The following CEACAM21 variants were observed in gnomAD, a reference collection of about 807,000 sequenced individuals.
CEACAM21 encodes cell adhesion molecule CEACAM21.
CEACAM21 carries 38 observed loss-of-function variants against 33.2 expected under a neutral mutation model. That is an observed-to-expected ratio of 1.14 (90% CI 0.88 to 1.50). CEACAM21 has a LOEUF of 1.50. Ranked by LOEUF, CEACAM21 falls within the 40% of genes most tolerant of loss-of-function variation. The pLI is 0.00. For missense variants in CEACAM21, 385 were observed against 364.6 expected (o/e 1.06, Z -0.46); for synonymous variants, 156 against 143.0 (o/e 1.09, Z -0.65).
Position 41,559,140 on chromosome 19 carries a change from A to T in CEACAM21, c.-778-5542A>T, listed in dbSNP as rs528548132. On this transcript the variant is annotated intron_variant, in intron 1 of 7. Transcript: ENST00000407170. Reference sequence around the variant, plus strand: ...TTATGTATTTTACTGGAAGTTTTTTAAAGCACACATGGAAAACTTAGGAAA... The same window carrying T: ...TTATGTATTTTACTGGAAGTTTTTTTAAGCACACATGGAAAACTTAGGAAA... Among the ~76,000 whole-genome samples, 5 of 152,378 alleles carry T rather than the reference A, an allele frequency of 3.3e-5. No individual in the cohort carries two copies. The South Asian group carries it at 1.0e-3, about 32-fold the overall frequency.
intron 2 of CEACAM21, among the ~76,000 whole-genome samples, chr19:41,566,867 C>T (rs2042296847): frequency 1.3e-5 from 2 of 152,070 alleles, no homozygotes; most frequent in South Asian, 4.1e-4. Flanking sequence ...TCCATTTTTT[C>T]ATGAGTCAGT....
chr19:41,567,341 A>G (rs1225159252), intron 2 of CEACAM21, among the ~76,000 whole-genome samples: 15 of 152,236 alleles, frequency 9.9e-5, no homozygotes, highest in African/African-American at 3.4e-4. Flanking sequence ...ATAGCAGTCA[A>G]TTATAAAATG....
chr19:41,582,573 G>T (rs1195547904), intron 3 of CEACAM21, among the ~76,000 whole-genome samples: 2 of 152,210 alleles, frequency 1.3e-5, no homozygotes, highest in Non-Finnish European at 2.9e-5. Flanking sequence ...CTGAAATCTA[G>T]GCGAAGGTTC....
rs1555791471 is a variant in CEACAM21, at chr19:41,577,261, C to A, written c.126C>A (p.Pro42=). 2 of 1,614,106 alleles carry A rather than the reference C, an allele frequency of 1.2e-6. No homozygotes were observed. The highest frequency in any genetic ancestry group is 2.2e-5 in the East Asian group (1 of 44,890). Residue 42 remains proline, a synonymous_variant, in exon 2 of 7, where the codon CCC becomes CCA. Transcript: ENST00000401445. ...TTAWLFIASA[P]FEVAEGENVH... is the part of the protein sequence containing the mutation. Reference sequence around the variant, plus strand: ...CCTGGCTCTTTATTGCATCAGCGCCCTTTGAAGTTGCTGAAGGGGAGAATG... The same window carrying A: ...CCTGGCTCTTTATTGCATCAGCGCCATTTGAAGTTGCTGAAGGGGAGAATG...
chr19:41,580,996 G>C (rs1417106711), intron 3 of CEACAM21, among the ~76,000 whole-genome samples: 1 of 152,200 alleles, frequency 6.6e-6, no homozygotes, highest in Non-Finnish European at 1.5e-5. Flanking sequence ...AGATTCTAAG[G>C]ACTTTAGAGT....
rs751235006 is a variant in CEACAM21, at chr19:41,585,576, G to A, written c.850+81G>A. 3.2e-4 allele frequency: 469 copies of A among 1,466,924 alleles called. 1 individual carries two copies. Among genetic ancestry groups the A allele is most frequent in the Non-Finnish European group, 4.4e-4 (460 of 1,047,890 alleles). 90.9% of individuals were successfully genotyped at this position (1,466,924 alleles called of 1,614,324 possible). ...GTCCACTCCTGCCAGTTACACCCAG[G>A]GGCCTCTGACCCTATCCCTGGGGCT... is the stretch of plus-strand genomic sequence containing the variant. On this transcript the variant is annotated intron_variant, in intron 5 of 6. Transcript: ENST00000401445.
chr19:41,581,217 C>T (rs962959649), intron 3 of CEACAM21, among the ~76,000 whole-genome samples: 4 of 152,254 alleles, frequency 2.6e-5, no homozygotes, highest in Admixed American at 6.5e-5. Flanking sequence ...CGCTTAAAGG[C>T]GTTCTTAAGC....
At chr19:41,584,132 G>A (rs2070527862) in intron 3 of CEACAM21, among the ~76,000 whole-genome samples, 1 of 152,194 alleles carries the variant, frequency 6.6e-6, no homozygotes, top group African/African-American at 2.4e-5. Flanking sequence ...GTGGGAGAAT[G>A]TAGGAGTTGA....
chr19:41,557,166 T>G (rs2041583407), intron 1 of CEACAM21, among the ~76,000 whole-genome samples: 1 of 152,146 alleles, frequency 6.6e-6, no homozygotes, highest in African/African-American at 2.4e-5. Context: ...CCCAAAGATC[T>G]CCTCCCCTCC....
chr19:41,569,590 C>G (rs1555789002), intron 2 of CEACAM21, among the ~76,000 whole-genome samples: 1 of 152,056 alleles, frequency 6.6e-6, no homozygotes, highest in Non-Finnish European at 1.5e-5. Context: ...ATACTGCCCC[C>G]CAAGGAGGAG....
At chr19:41,559,452 C>G (rs1555786289) in intron 1 of CEACAM21, among the ~76,000 whole-genome samples, 1 of 152,052 alleles carries the variant, frequency 6.6e-6, no homozygotes, top group African/African-American at 2.4e-5. Context: ...AAAATGCTTA[C>G]AGTAGAAAAG....
chr19:41,579,822 G>A (rs1016101494), intron 3 of CEACAM21, among the ~76,000 whole-genome samples, 194 bp downstream of exon 3: 5 of 152,040 alleles, frequency 3.3e-5, no homozygotes, highest in Admixed American at 2.6e-4. Context: ...TTTGACCTTG[G>A]GCAAGACACT....
intron 3 of CEACAM21, among the ~76,000 whole-genome samples, chr19:41,581,129 C>T (rs183665573): frequency 5.9e-5 from 9 of 152,334 alleles, no homozygotes; most frequent in African/African-American, 2.2e-4. Context: ...TTCATAATGG[C>T]CCTAATGCCC....
At chr19:41,559,790 A>T (rs16975348) in intron 1 of CEACAM21, among the ~76,000 whole-genome samples, 14,919 of 152,146 alleles carry the variant, frequency 0.098, 2,237 homozygotes, top group African/African-American at 0.32. Flanking sequence ...CACCTAGAAA[A>T]CTAAAGGAAA....
chr19:41,559,992 AAAAAC>A (rs142541290), intron 1 of CEACAM21, among the ~76,000 whole-genome samples: 6 of 152,054 alleles, frequency 3.9e-5, no homozygotes, highest in Non-Finnish European at 8.8e-5. Context: ...ACTTCCTCTC[AAAAAC>A]AAAACAAAAC....
In CEACAM21 at chr19:41,553,215, C is replaced by T. The variant is rs150344062; in HGVS notation, c.-779+3663C>T. ...TTGACTCACTGTAACCTCCGCTTCC[C>T]TGCCTCAGCCCCTTGAGTAGCTGGG... On this transcript the variant is annotated intron_variant, in intron 1 of 7. Transcript: ENST00000407170. Among the ~76,000 whole-genome samples, 287 of 152,112 alleles carry T rather than the reference C, an allele frequency of 1.9e-3. 1 individual carries two copies. Among genetic ancestry groups the T allele is most frequent in the African/African-American group, 6.6e-3 (275 of 41,512 alleles).
In CEACAM21 at chr19:41,577,239, G is replaced by T; in HGVS notation, c.104G>T (p.Trp35Leu). The T allele has an allele frequency of 6.2e-7, 1 of 1,614,056 alleles. No homozygotes were observed. Among genetic ancestry groups the T allele is most frequent in the Non-Finnish European group, 8.5e-7 (1 of 1,180,004 alleles). Residue 35 changes from tryptophan to leucine, a missense_variant, in exon 2 of 7, where the codon TGG (tryptophan) becomes TTG (leucine). Transcript: ENST00000401445. The stretch of plus-strand genomic sequence containing the variant: ...TTCTGGAACGCACCCACCACTGCCT[G>T]GCTCTTTATTGCATCAGCGCCCTTT... Reference protein sequence around the residue: ...LTFWNAPTTAWLFIASAPFEV... With the variant: ...LTFWNAPTTALLFIASAPFEV...
At chr19:41,558,657 A>G (rs1480347330) in intron 1 of CEACAM21, among the ~76,000 whole-genome samples, 3 of 152,114 alleles carry the variant, frequency 2.0e-5, no homozygotes, top group South Asian at 2.1e-4. Context: ...AAAAACAACA[A>G]CAACAAAAAA....
chr19:41,585,600 C>G lies in CEACAM21; in HGVS notation c.850+105C>G, dbSNP rs1216697173. The G allele has an allele frequency of 7.8e-6, 10 of 1,287,832 alleles. No individual in the cohort carries two copies. The East Asian group carries it at 2.3e-4, about 30-fold the overall frequency. The allele number at this position is 1,287,832 out of a possible 1,614,324, so 79.8% of individuals were successfully genotyped here. The stretch of plus-strand genomic sequence containing the variant: ...GGGGCCTCTGACCCTATCCCTGGGG[C>G]TGCAAAGAGGATCCCATAAAACATC... On this transcript the variant is annotated intron_variant, in intron 5 of 6. Coordinates refer to ENST00000401445, the MANE Select transcript of CEACAM21 (RefSeq NM_001098506.4).
Sources: gnomAD v4.1 joint callset for allele counts (sites outside exome capture counted in the v4.1 genomes callset) on GRCh38, gnomAD v4.1.1 for gene constraint, MANE v1.5 for transcripts, NCBI Gene and HGNC (gene_info 2026-07-23, HGNC 2026-07-21) for gene names.